The following HBEGF variants were observed in gnomAD, a reference collection of about 807,000 sequenced individuals.
The protein encoded by HBEGF is heparin binding EGF like growth factor.
In HBEGF, 8 loss-of-function variants were observed where a neutral mutation model predicts 19.5. The observed-to-expected ratio is 0.41, with a 90% confidence interval of 0.24 to 0.74. HBEGF has a LOEUF of 0.74. Among genes scored for constraint, HBEGF ranks in the 30% least tolerant of loss-of-function variants. The pLI, the probability that HBEGF is intolerant of heterozygous loss-of-function variation, is 0.32. For synonymous variants in HBEGF, 97 were observed against 108.9 expected (o/e 0.89, Z 0.68); for missense variants, 207 against 256.9 (o/e 0.81, Z 1.33).
Position 140,346,203 on chromosome 5 carries a change from C to A in HBEGF, c.46+80G>T. 1 of 1,553,980 alleles carries A rather than the reference C, an allele frequency of 6.4e-7. No individual in the cohort carries two copies. The highest frequency in any genetic ancestry group is 8.7e-7 in the Non-Finnish European group (1 of 1,149,622). The stretch of plus-strand genomic sequence containing the variant: ...CCCACCAAGTGGCCCGTGCCGGGTG[C>A]GCTGCGGCGACCTTCCCCCATGCCC... On this transcript the variant is annotated intron_variant, in intron 1 of 5. Coordinates refer to ENST00000230990, the MANE Select transcript of HBEGF (RefSeq NM_001945.3). This position sits in a 1 kb window ranked among gnomAD's most constrained non-coding sequence, Gnocchi z 6.1.
chr5:140,340,698 G>A (rs901951416), intron 3 of HBEGF, among the ~76,000 whole-genome samples: 2 of 151,860 alleles, frequency 1.3e-5, no homozygotes, highest in Non-Finnish European at 2.9e-5. Context: ...TGTTAGACTA[G>A]TAAAAGAATA....
chr5:140,346,567 G>A lies in HBEGF; in HGVS notation c.-239C>T. On this transcript the variant is annotated 5_prime_UTR_variant, in exon 1 of 6. Coordinates refer to ENST00000230990, the MANE Select transcript of HBEGF (RefSeq NM_001945.3). This position sits in a 1 kb window ranked among gnomAD's most constrained non-coding sequence, Gnocchi z 6.1. ...GACCCCGCGCGCCTAGGTCAGGCCA[G>A]CCAGCAGCGTGGCCCGCGTAGCTCC... The A allele has an allele frequency of 1.8e-6, 1 of 570,436 alleles. No homozygotes were observed. The highest frequency in any genetic ancestry group is 2.1e-5 in the South Asian group (1 of 47,062). The allele number at this position is 570,436 out of a possible 1,614,324, so 35.3% of individuals were successfully genotyped here. A position where few individuals can be genotyped will look rare whatever the true frequency, so the allele number is the denominator to read the frequency against.
chr5:140,340,728 G>C (rs1219847505), intron 3 of HBEGF, among the ~76,000 whole-genome samples: 1 of 152,096 alleles, frequency 6.6e-6, no homozygotes, highest in Admixed American at 6.6e-5. Flanking sequence ...TAGGACAACA[G>C]CTGCCCTCTG....
intron 3 of HBEGF, among the ~76,000 whole-genome samples, chr5:140,341,388 T>G (rs1210792484): frequency 6.6e-6 from 1 of 152,224 alleles, no homozygotes; most frequent in Non-Finnish European, 1.5e-5. Context: ...AAATTTAAGA[T>G]GAACATTTCC....
At chr5:140,341,740 A>G (rs1195850926) in intron 3 of HBEGF, among the ~76,000 whole-genome samples, 1 of 152,168 alleles carries the variant, frequency 6.6e-6, no homozygotes, top group Non-Finnish European at 1.5e-5. Context: ...AGGCCCCCAG[A>G]GCCTCCCTCC....
chr5:140,342,190 GCACATAAACC>G (rs911097295), intron 3 of HBEGF, among the ~76,000 whole-genome samples: 3 of 152,092 alleles, frequency 2.0e-5, no homozygotes, highest in African/African-American at 7.2e-5. Flanking sequence ...ACACTTACAT[GCACATAAACC>G]CAAATACACA....
chr5:140,342,846 T>A, intron 2 of HBEGF, 34 bp from the exon 3 acceptor site: 1 of 1,606,518 alleles, frequency 6.2e-7, no homozygotes, highest in Non-Finnish European at 8.5e-7. Context: ...AAAGTCTGAC[T>A]CTTTGGGAAG....
Position 140,346,119 on chromosome 5 carries a change from G to A in HBEGF, c.47-35C>T, listed in dbSNP as rs746867757. ...AGAGGCCAGGCCGCATCAGACACCC[G>A]CCCAGACCCCTGACCAACACGCACC... On this transcript the variant is annotated intron_variant, in intron 1 of 5. Coordinates refer to ENST00000230990, the MANE Select transcript of HBEGF (RefSeq NM_001945.3). The surrounding 1 kb of genome is among the most constrained non-coding windows in gnomAD (Gnocchi z 6.1). 6.9e-6 allele frequency: 11 copies of A among 1,596,690 alleles called. No individual in the cohort carries two copies. The highest frequency in any genetic ancestry group is 1.7e-5 in the Admixed American group (1 of 58,144).
chr5:140,346,529 C>G lies in HBEGF; in HGVS notation c.-201G>C. The G allele has an allele frequency of 1.6e-6, 1 of 627,126 alleles. No homozygotes were observed. The highest frequency in any genetic ancestry group is 2.7e-6 in the Non-Finnish European group (1 of 365,516). The allele number at this position is 627,126 out of a possible 1,614,324, so 38.8% of individuals were successfully genotyped here. On this transcript the variant is annotated 5_prime_UTR_variant, in exon 1 of 6. Coordinates refer to ENST00000230990, the MANE Select transcript of HBEGF (RefSeq NM_001945.3). This position sits in a 1 kb window ranked among gnomAD's most constrained non-coding sequence, Gnocchi z 6.1. Reference sequence around the variant, plus strand: ...TCTTGTCTTGCTCACTCAGCCCGCCCGCGCGGCCGCCCGACCCCGCGCGCC... The same window carrying G: ...TCTTGTCTTGCTCACTCAGCCCGCCGGCGCGGCCGCCCGACCCCGCGCGCC...
At chr5:140,341,808 G>C (rs1359233310) in intron 3 of HBEGF, among the ~76,000 whole-genome samples, 1 of 152,210 alleles carries the variant, frequency 6.6e-6, no homozygotes, top group Non-Finnish European at 1.5e-5. Flanking sequence ...CTCAGGCACA[G>C]TGGCAACATT....
At chr5:140,335,726 AG>A in intron 4 of HBEGF, 145 bp downstream of exon 4, 1 of 841,754 alleles carries the variant, frequency 1.2e-6, no homozygotes, top group Non-Finnish European at 1.8e-6. Flanking sequence ...CAGAAATACC[AG>A]GTTTTTGGAG....
intron 2 of HBEGF, 151 bp from the exon 3 acceptor site, chr5:140,342,963 G>C (rs1036992979): frequency 2.8e-6 from 2 of 709,464 alleles, no homozygotes; most frequent in African/African-American, 3.5e-5. Flanking sequence ...AGAGGCAGAA[G>C]GAAGAGCAGG....
At chr5:140,335,802 G>C in intron 4 of HBEGF, 70 bp downstream of exon 4, 1 of 1,517,906 alleles carries the variant, frequency 6.6e-7, no homozygotes, top group Admixed American at 1.8e-5. Flanking sequence ...GACCATCAAG[G>C]AGAGGGCCCA....
Position 140,346,539 on chromosome 5 carries a change from C to T in HBEGF, c.-211G>A. ...CTCACTCAGCCCGCCCGCGCGGCCGCCCGACCCCGCGCGCCTAGGTCAGGC... is the reference window on the plus strand; with the variant it reads ...CTCACTCAGCCCGCCCGCGCGGCCGTCCGACCCCGCGCGCCTAGGTCAGGC... On this transcript the variant is annotated 5_prime_UTR_variant, in exon 1 of 6. Coordinates refer to ENST00000230990, the MANE Select transcript of HBEGF (RefSeq NM_001945.3). This position sits in a 1 kb window ranked among gnomAD's most constrained non-coding sequence, Gnocchi z 6.1. 1.7e-6 allele frequency: 1 copy of T among 606,024 alleles called. No individual in the cohort carries two copies. Among genetic ancestry groups the T allele is most frequent in the South Asian group, 2.0e-5 (1 of 50,202 alleles). The allele number at this position is 606,024 out of a possible 1,614,324, so 37.5% of individuals were successfully genotyped here.
At chr5:140,343,229 A>C (rs1456505969) in intron 2 of HBEGF, among the ~76,000 whole-genome samples, 1 of 152,086 alleles carries the variant, frequency 6.6e-6, no homozygotes, top group Non-Finnish European at 1.5e-5. Context: ...TACTCAGTGA[A>C]CCACTTGCAG....
In HBEGF at chr5:140,335,965, A is replaced by G; in HGVS notation, c.461T>C (p.Leu154Ser). The change falls in exon 4 of 6, where the codon TTA (leucine) becomes TCA (serine). Residue 154 changes from leucine (L) to serine (S), a missense_variant. This residue lies in a region of HBEGF where 77 missense variants were observed against 106.9 expected (regional missense o/e 0.72). Transcript: ENST00000230990. ...GATGGTTGTGTGGTCATAGGTATATAAGCGATTTTCCACTGGGAGGCTCAG... is the reference window on the plus strand; with the variant it reads ...GATGGTTGTGTGGTCATAGGTATATGAGCGATTTTCCACTGGGAGGCTCAG... ...HGLSLPVENR[L>S]YTYDHTTILA... 6.2e-7 allele frequency: 1 copy of G among 1,614,110 alleles called. No homozygotes were observed. Among genetic ancestry groups the G allele is most frequent in the Non-Finnish European group, 8.5e-7 (1 of 1,180,006 alleles).
At chr5:140,341,589 A>G (rs1766311967) in intron 3 of HBEGF, among the ~76,000 whole-genome samples, 1 of 152,220 alleles carries the variant, frequency 6.6e-6, no homozygotes, top group Non-Finnish European at 1.5e-5. Flanking sequence ...GTGTGTGATC[A>G]GACAAAACAA....
chr5:140,335,754 C>T, intron 4 of HBEGF, 118 bp downstream of exon 4: 1 of 1,102,936 alleles, frequency 9.1e-7, no homozygotes, highest in Non-Finnish European at 1.3e-6. Context: ...CACCCCGGAG[C>T]TAGCCCATGA....
intron 3 of HBEGF, among the ~76,000 whole-genome samples, chr5:140,341,872 G>A (rs1766318621): frequency 6.6e-6 from 1 of 152,172 alleles, no homozygotes; most frequent in Non-Finnish European, 1.5e-5. Context: ...TGCCAAGGCA[G>A]CCGTTTGCTG....
Sources: allele counts gnomAD v4.1 joint callset (sites outside exome capture counted in the v4.1 genomes callset), GRCh38; gene constraint gnomAD v4.1.1; regional missense constraint gnomAD v4.1.1; non-coding constraint Gnocchi (gnomAD v3.1); transcripts MANE v1.5; gene names NCBI Gene and HGNC (gene_info 2026-07-23, HGNC 2026-07-21).